TH: variants seen among roughly 807,000 people sequenced by gnomAD.
TH encodes tyrosine 3-monooxygenase.
A neutral mutation model predicts 57.4 loss-of-function variants in TH; 49 were observed. The ratio of observed to expected loss-of-function variants is 0.85; its 90% CI spans 0.68 to 1.08. The LOEUF is 1.08. Ranked by LOEUF, TH falls within the 50% of genes least tolerant of loss-of-function variation. The pLI is 0.00. For synonymous variants in TH, 330 were observed against 304.5 expected (o/e 1.08, Z -0.87); for missense variants, 720 against 696.7 (o/e 1.03, Z -0.38).
chr11:2,166,410 G>A (rs1429968305), intron 9 of TH, 70 bp downstream of exon 9: 1 of 1,513,294 alleles, frequency 6.6e-7, no homozygotes, highest in Non-Finnish European at 8.8e-7. Context: ...CCCGCACATC[G>A]ATCCCCGCCC....
Position 2,167,050 on chromosome 11 carries a change from C to T in TH, c.696-18G>A. On this transcript the variant is annotated intron_variant, in intron 6 of 12. Coordinates refer to ENST00000352909, the MANE Select transcript of TH (RefSeq NM_000360.4). ...CCTCCTTCCTGCGGGCAGCCAGGCT[C>T]AGGGCCCTCTAATGCCCCACCCCAG... is the stretch of plus-strand genomic sequence containing the variant. The T allele has an allele frequency of 6.4e-7, 1 of 1,570,506 alleles. No homozygotes were observed. Among genetic ancestry groups the T allele is most frequent in the Non-Finnish European group, 8.6e-7 (1 of 1,157,982 alleles).
intron 8 of TH, 35 bp from the exon 9 acceptor site, chr11:2,166,584 G>A (rs574052802): frequency 1.9e-6 from 3 of 1,588,188 alleles, no homozygotes; most frequent in East Asian, 2.3e-5. Context: ...CTGAGGGGCC[G>A]CCCGTCGCAC....
In TH at chr11:2,168,080, G is replaced by A. The variant is rs770003580; in HGVS notation, c.576+11C>T. On this transcript the variant is annotated intron_variant, in intron 4 of 12. Transcript: ENST00000352909. ...GGGGCAGGAGGCCTGAGTGAGGGGC[G>A]CACCACTCACCGGGTGGTCCAAGTC... The A allele has an allele frequency of 3.8e-5, 62 of 1,612,822 alleles. No individual in the cohort carries two copies. The highest frequency in any genetic ancestry group is 6.7e-5 in the Admixed American group (4 of 59,998).
chr11:2,165,142 C>G (rs569749945), intron 12 of TH, 90 bp downstream of exon 12: 1 of 1,598,008 alleles, frequency 6.3e-7, no homozygotes, highest in Non-Finnish European at 8.5e-7. Flanking sequence ...CCTGGGCTCA[C>G]AGGTCCAGCC....
intron 10 of TH, 72 bp downstream of exon 10, chr11:2,165,929 CG>C: frequency 1.3e-6 from 2 of 1,524,138 alleles, no homozygotes; most frequent in Middle Eastern, 1.7e-4. Flanking sequence ...TCAGCCTGGA[CG>C]GCAAGAGGGT....
chr11:2,169,955 G>C (rs1224728780), intron 1 of TH, 84 bp from the exon 2 acceptor site: 12 of 1,356,958 alleles, frequency 8.8e-6, no homozygotes, highest in Non-Finnish European at 1.2e-5. Flanking sequence ...CAGTCGGGCA[G>C]CGCTGATGGC....
rs529205525 is a variant in TH at position 2,171,763 on chromosome 11, C to T, written c.24G>A (p.Thr8=). 50 of 1,612,508 alleles carry T rather than the reference C, an allele frequency of 3.1e-5. 2 individuals are homozygous for T. The highest frequency in any genetic ancestry group is 2.2e-4 in the South Asian group (20 of 91,056). The part of the protein sequence containing the change: MPTPDAT[T]PQAKGFRRAV... ...CCCTGCGGAAGCCCTTGGCCTGTGGCGTGGTGGCGTCGGGGGTGGGCATGG... is the reference window on the plus strand; with the variant it reads ...CCCTGCGGAAGCCCTTGGCCTGTGGTGTGGTGGCGTCGGGGGTGGGCATGG... Residue 8 remains threonine (T), a synonymous_variant, in exon 1 of 13, where the codon ACG becomes ACA. Coordinates refer to ENST00000352909, the MANE Select transcript of TH (RefSeq NM_000360.4). The surrounding 1 kb of genome is among the most constrained non-coding windows in gnomAD (Gnocchi z 8.6).
Position 2,166,960 on chromosome 11 carries a change from A to G in TH, c.768T>C (p.Ala256=), listed in dbSNP as rs1417486240. The G allele has an allele frequency of 2.5e-6, 4 of 1,595,826 alleles. No homozygotes were observed. In the African/African-American group the frequency reaches 5.4e-5, roughly 21 times the overall value. ...GGTAGCCGCTGAAGCGCTCCAGCAAAGCAAAGGCCTCCAGGTGCTCCCCGC... is the reference window on the plus strand; with the variant it reads ...GGTAGCCGCTGAAGCGCTCCAGCAAGGCAAAGGCCTCCAGGTGCTCCCCGC... The part of the protein sequence containing the change: ...HACGEHLEAF[A]LLERFSGYRE... Residue 256 remains alanine, a synonymous_variant, in exon 7 of 13, where the codon GCT becomes GCC. Coordinates refer to ENST00000352909, the MANE Select transcript of TH (RefSeq NM_000360.4).
In TH at chr11:2,170,183, C is replaced by A. The variant is rs946400739; in HGVS notation, c.91-312G>T. ...AGACAGAGACGCTGTGTCACTCATC[C>A]CCAGGCCAGGCGCTAACTGGATTAG... On this transcript the variant is annotated intron_variant, in intron 1 of 12. Transcript: ENST00000352909. The surrounding 1 kb of genome is among the most constrained non-coding windows in gnomAD (Gnocchi z 6.0). Among the ~76,000 whole-genome samples, 1 of 152,154 alleles carries A rather than the reference C, an allele frequency of 6.6e-6. No homozygotes were observed. Among genetic ancestry groups the A allele is most frequent in the African/African-American group, 2.4e-5 (1 of 41,422 alleles).
intron 5 of TH, 48 bp downstream of exon 5, chr11:2,167,818 G>T (rs374052764): frequency 1.3e-6 from 2 of 1,549,848 alleles, no homozygotes. Context: ...CAGGTCCAGC[G>T]TCAGCCTGCA....
At position 2,167,850 on chromosome 11, in the gene TH, C is replaced by A. The variant is rs563373382; in HGVS notation, c.644+16G>T. Reference sequence around the variant, plus strand: ...TGCAGGACGGAGTCTGGGTCCCGAGCGCAGGGGCCCCTCACTGCCTGTACT... The same window carrying A: ...TGCAGGACGGAGTCTGGGTCCCGAGAGCAGGGGCCCCTCACTGCCTGTACT... On this transcript the variant is annotated intron_variant, in intron 5 of 12. Transcript: ENST00000352909. 3 of 1,592,178 alleles carry A rather than the reference C, an allele frequency of 1.9e-6. No homozygotes were observed. Among genetic ancestry groups the A allele is most frequent in the South Asian group, 1.1e-5 (1 of 88,182 alleles).
intron 3 of TH, 150 bp from the exon 4 acceptor site, chr11:2,168,329 G>T: frequency 7.4e-7 from 1 of 1,354,704 alleles, no homozygotes; most frequent in Non-Finnish European, 1.0e-6. Context: ...GTGGCCCCAG[G>T]CCCGGACACG....
Position 2,165,748 on chromosome 11 carries a change from C to G in TH, c.1120G>C (p.Val374Leu). ...TTCTGCTTACACAGCCCGAACTCCA[C>G]CGTGAACCAGTACAGCTGCGGGGAA... is the stretch of plus-strand genomic sequence containing the variant. The part of the protein sequence containing the change: ...EKLSTLYWFT[V>L]EFGLCKQNGE... The change falls in exon 11 of 13, where the codon GTG (valine) becomes CTG (leucine). Residue 374 changes from valine to leucine, a missense_variant. Coordinates refer to ENST00000352909, the MANE Select transcript of TH (RefSeq NM_000360.4). The G allele has an allele frequency of 1.2e-6, 2 of 1,612,776 alleles. No homozygotes were observed. Among genetic ancestry groups the G allele is most frequent in the Non-Finnish European group, 1.7e-6 (2 of 1,179,984 alleles).
Position 2,166,986 on chromosome 11 carries a change from A to T in TH, c.742T>A (p.Cys248Ser). The T allele has an allele frequency of 6.3e-7, 1 of 1,591,920 alleles. No individual in the cohort carries two copies. Among genetic ancestry groups the T allele is most frequent in the Non-Finnish European group, 8.5e-7 (1 of 1,169,796 alleles). ...GCAAAGGCCTCCAGGTGCTCCCCGC[A>T]GGCGTGCGTGGCGTAGAGGCCCTTC... is the stretch of plus-strand genomic sequence containing the variant. ...TLKGLYATHA[C>S]GEHLEAFALL... Residue 248 changes from cysteine (C) to serine (S), a missense_variant, in exon 7 of 13, where the codon TGC (cysteine) becomes AGC (serine). By Grantham distance (112) the Cys-to-Ser change is moderately radical (BLOSUM62 -1). Transcript: ENST00000352909.
chr11:2,167,076 T>G lies in TH; in HGVS notation c.696-44A>C, dbSNP rs1332658142. The stretch of plus-strand genomic sequence containing the variant: ...AGGGCCCTCTAATGCCCCACCCCAG[T>G]GCCCGAAACCCCCCTCCTGAACTGT... On this transcript the variant is annotated intron_variant, in intron 6 of 12. Coordinates refer to ENST00000352909, the MANE Select transcript of TH (RefSeq NM_000360.4). The G allele has an allele frequency of 2.6e-6, 4 of 1,553,164 alleles. No individual in the cohort carries two copies. In the Admixed American group the frequency reaches 7.7e-5, roughly 30 times the overall value.
In TH at chr11:2,168,945, G is replaced by A. The variant is rs564014042; in HGVS notation, c.313-280C>T. Among the ~76,000 whole-genome samples the A allele has an allele frequency of 6.6e-5, 10 of 152,300 alleles. No individual in the cohort carries two copies. The South Asian group carries it at 2.1e-3, about 32-fold the overall frequency. ...TGGTTCTGGGCGGCTCGGTGTGTGT[G>A]TCCCAAGGCCATGCCACACAGTCCG... is the stretch of plus-strand genomic sequence containing the variant. On this transcript the variant is annotated intron_variant, in intron 2 of 12. Transcript: ENST00000352909.
In TH at chr11:2,166,044, C is replaced by A. The variant is rs775488051; in HGVS notation, c.1062G>T (p.Ala354=). The change falls in exon 10 of 13, where the codon GCG becomes GCT. Residue 354 remains alanine (A), a synonymous_variant. Transcript: ENST00000352909. ...TTTCCTCATCCGAGGCCCCCAGGGACGCCAGGCCAATGTCCTGTGGAGCAG... is the reference window on the plus strand; with the variant it reads ...TTTCCTCATCCGAGGCCCCCAGGGAAGCCAGGCCAATGTCCTGTGGAGCAG... ...FAQFSQDIGL[A]SLGASDEEIE... is the part of the protein sequence containing the mutation. The A allele has an allele frequency of 1.3e-6, 2 of 1,557,854 alleles. No homozygotes were observed. The highest frequency in any genetic ancestry group is 1.7e-6 in the Non-Finnish European group (2 of 1,150,674).
rs1258894451 is a variant in TH at position 2,169,764 on chromosome 11, G to A, written c.198C>T (p.Asp66=). 3.1e-6 allele frequency: 5 copies of A among 1,612,246 alleles called. No individual in the cohort carries two copies. Among genetic ancestry groups the A allele is most frequent in the South Asian group, 1.1e-5 (1 of 91,070 alleles). The change falls in exon 2 of 13, where the codon GAC becomes GAT. Residue 66 remains aspartate, a synonymous_variant. Transcript: ENST00000352909. ...AAAAVPSEPG[D]PLEAVAFEEK... The stretch of plus-strand genomic sequence containing the variant: ...CCTCAAAGGCCACAGCCTCCAGGGG[G>A]TCCCCGGGCTCCGAGGGGACTGCAG...
intron 9 of TH, 200 bp downstream of exon 9, chr11:2,166,280 G>T: frequency 1.1e-6 from 1 of 896,242 alleles, no homozygotes; most frequent in Non-Finnish European, 1.7e-6. Context: ...TTCCCAGGTA[G>T]CCGGCAGGTG....
Sources: allele counts gnomAD v4.1 joint callset (sites outside exome capture counted in the v4.1 genomes callset), GRCh38; gene constraint gnomAD v4.1.1; non-coding constraint Gnocchi (gnomAD v3.1); transcripts MANE v1.5; gene names NCBI Gene and HGNC (gene_info 2026-07-23, HGNC 2026-07-21).